Variants in ZDHHC14 observed in about 807,000 individuals in gnomAD.
ZDHHC14 encodes palmitoyltransferase ZDHHC14.
A neutral mutation model predicts 47.7 loss-of-function variants in ZDHHC14; 16 were observed. That is an observed-to-expected ratio of 0.34 (90% CI 0.23 to 0.51). ZDHHC14 has a LOEUF of 0.51. Among genes scored for constraint, ZDHHC14 ranks in the 20% least tolerant of loss-of-function variants. The pLI is 0.97. For synonymous variants in ZDHHC14, 293 were observed against 278.9 expected (o/e 1.05, Z -0.50); for missense variants, 515 against 662.5 (o/e 0.78, Z 2.44).
chr6:157,441,155 T>G (rs1415185364), intron 1 of ZDHHC14, among the ~76,000 whole-genome samples: 2 of 152,170 alleles, frequency 1.3e-5, no homozygotes, highest in Non-Finnish European at 1.5e-5. Flanking sequence ...GAACCACACC[T>G]TTTAGGAGGT....
intron 1 of ZDHHC14, among the ~76,000 whole-genome samples, chr6:157,520,501 C>T (rs377496847): frequency 6.6e-6 from 1 of 152,168 alleles, no homozygotes; most frequent in African/African-American, 2.4e-5. Flanking sequence ...AGCCACTGAA[C>T]AATATGTTTG....
At chr6:157,553,951 G>C (rs1452028344) in intron 2 of ZDHHC14, among the ~76,000 whole-genome samples, 1 of 152,108 alleles carries the variant, frequency 6.6e-6, no homozygotes, top group Non-Finnish European at 1.5e-5. Context: ...CACCATGTTT[G>C]GTAAGGAAGA....
In ZDHHC14 at chr6:157,419,696, T is replaced by C. The variant is rs539256006; in HGVS notation, c.245+37430T>C. Among the ~76,000 whole-genome samples the C allele has an allele frequency of 1.2e-4, 19 of 152,340 alleles. No individual in the cohort carries two copies. The South Asian group carries it at 2.9e-3, about 23-fold the overall frequency. ...ATTGTATGGATATACCACCATTTGT[T>C]TTTCTATACCTAACGAAGGACATCT... is the stretch of plus-strand genomic sequence containing the variant. On this transcript the variant is annotated intron_variant, in intron 1 of 8. Coordinates refer to ENST00000359775, the MANE Select transcript of ZDHHC14 (RefSeq NM_024630.3).
intron 8 of ZDHHC14, among the ~76,000 whole-genome samples, chr6:157,654,540 C>T (rs984727284): frequency 5.9e-5 from 9 of 152,024 alleles, no homozygotes; most frequent in Non-Finnish European, 1.3e-4. Context: ...GGGCAGCAGC[C>T]CAGAACACCT....
chr6:157,397,735 C>T (rs1309735128), intron 1 of ZDHHC14, among the ~76,000 whole-genome samples: 2 of 152,158 alleles, frequency 1.3e-5, no homozygotes, highest in Non-Finnish European at 2.9e-5. Context: ...CCTTCCACAT[C>T]CGGATTCTTA....
chr6:157,398,520 A>G (rs1777567807), intron 1 of ZDHHC14, among the ~76,000 whole-genome samples: 1 of 152,142 alleles, frequency 6.6e-6, no homozygotes, highest in African/African-American at 2.4e-5. Flanking sequence ...ATCTAACTCA[A>G]TTTCCTTCTC....
At position 157,673,430 on chromosome 6, in the gene ZDHHC14, G is replaced by A; in HGVS notation, c.*308G>A. ...AGTGTGTCTGCCCGCCCTTGTGACA[G>A]ACACACGGAAGGCTTCTGACGCTTG... On this transcript the variant is annotated 3_prime_UTR_variant, in exon 9 of 9. Coordinates refer to ENST00000359775, the MANE Select transcript of ZDHHC14 (RefSeq NM_024630.3). This position sits in a 1 kb window ranked among gnomAD's most constrained non-coding sequence, Gnocchi z 5.4. 2.3e-6 allele frequency: 1 copy of A among 432,508 alleles called. No individual in the cohort carries two copies. The highest frequency in any genetic ancestry group is 4.1e-6 in the Non-Finnish European group (1 of 246,908). 26.8% of individuals were successfully genotyped at this position (432,508 alleles called of 1,614,324 possible).
intron 1 of ZDHHC14, among the ~76,000 whole-genome samples, chr6:157,507,733 A>T (rs553593983): frequency 6.6e-6 from 1 of 152,142 alleles, no homozygotes; most frequent in Non-Finnish European, 1.5e-5. Flanking sequence ...CTGTCGCTCC[A>T]GAGTCTCCCG....
intron 1 of ZDHHC14, among the ~76,000 whole-genome samples, chr6:157,494,311 C>T (rs1459348438): frequency 6.6e-6 from 1 of 152,174 alleles, no homozygotes; most frequent in Admixed American, 6.5e-5. Context: ...TCCTTGGATG[C>T]CTGTCCCTCC....
At chr6:157,528,507 A>G (rs1411421190) in intron 1 of ZDHHC14, among the ~76,000 whole-genome samples, 1 of 151,958 alleles carries the variant, frequency 6.6e-6, no homozygotes, top group Non-Finnish European at 1.5e-5. Flanking sequence ...TGAGGCGGGC[A>G]GATCACGAGG....
intron 1 of ZDHHC14, among the ~76,000 whole-genome samples, chr6:157,386,458 A>G (rs1440479827): frequency 6.6e-6 from 1 of 152,204 alleles, no homozygotes; most frequent in Non-Finnish European, 1.5e-5. Context: ...GGAGTCCTTC[A>G]GGGATGTCTG....
chr6:157,534,571 TTC>T (rs1781475313), intron 1 of ZDHHC14, among the ~76,000 whole-genome samples: 1 of 149,798 alleles, frequency 6.7e-6, no homozygotes, highest in Non-Finnish European at 1.5e-5. Context: ...TTCATTTCAT[TTC>T]ATTTCATTTC....
intron 1 of ZDHHC14, among the ~76,000 whole-genome samples, chr6:157,508,683 C>A (rs144441882): frequency 1.3e-5 from 2 of 152,244 alleles, no homozygotes; most frequent in African/African-American, 4.8e-5. Context: ...CAACCAATGT[C>A]TTGTATTGAT....
rs190488923 is a variant in ZDHHC14, at chr6:157,586,469, G to A, written c.407-6519G>A. Among the ~76,000 whole-genome samples the A allele has an allele frequency of 6.6e-6, 1 of 152,302 alleles. No homozygotes were observed. Among genetic ancestry groups the A allele is most frequent in the East Asian group, 1.9e-4 (1 of 5,186 alleles). On this transcript the variant is annotated intron_variant, in intron 2 of 8. Transcript: ENST00000359775. This position sits in a 1 kb window ranked among gnomAD's most constrained non-coding sequence, Gnocchi z 4.6. Reference sequence around the variant, plus strand: ...GGAGGCCACCGTGTTTTGAGCATAGGCTCCATGGAAGATCGTGCAAGGAGA... The same window carrying A: ...GGAGGCCACCGTGTTTTGAGCATAGACTCCATGGAAGATCGTGCAAGGAGA...
chr6:157,642,707 T>A (rs1777312891), intron 5 of ZDHHC14, among the ~76,000 whole-genome samples: 1 of 152,236 alleles, frequency 6.6e-6, no homozygotes, highest in Non-Finnish European at 1.5e-5. Flanking sequence ...TTTCCTCTCC[T>A]TTCTCTTTCT....
intron 7 of ZDHHC14, 97 bp from the exon 8 acceptor site, chr6:157,653,428 G>C (rs1442925898): frequency 3.8e-6 from 5 of 1,307,442 alleles, no homozygotes; most frequent in Non-Finnish European, 5.4e-6. Flanking sequence ...GGCCTGTCAC[G>C]GGAAGAGGGA....
rs113964201 is a variant in ZDHHC14 at position 157,466,544 on chromosome 6, T to G, written c.246-76041T>G. The stretch of plus-strand genomic sequence containing the variant: ...GACAATTTCAACTAAAATTAAATTC[T>G]TTTGTTTTTTTGGCCAGGCATGGTG... On this transcript the variant is annotated intron_variant, in intron 1 of 8. Coordinates refer to ENST00000359775, the MANE Select transcript of ZDHHC14 (RefSeq NM_024630.3). 1.9e-3 allele frequency among the ~76,000 whole-genome samples: 282 copies of G among 152,346 alleles called. 2 individuals are homozygous for G. Among genetic ancestry groups the G allele is most frequent in the African/African-American group, 6.2e-3 (257 of 41,586 alleles).
intron 3 of ZDHHC14, among the ~76,000 whole-genome samples, chr6:157,606,221 T>C (rs1266621394): frequency 1.3e-5 from 2 of 152,056 alleles, no homozygotes; most frequent in Non-Finnish European, 2.9e-5. Flanking sequence ...TCCAAGCACT[T>C]TGGGAGGCCG....
chr6:157,671,420 C>G (rs972285223), intron 8 of ZDHHC14, among the ~76,000 whole-genome samples: 1 of 152,126 alleles, frequency 6.6e-6, no homozygotes, highest in African/African-American at 2.4e-5. Flanking sequence ...AGCACAGAGT[C>G]CCGATTTGCT....
Sources: gnomAD v4.1 joint callset for allele counts (sites outside exome capture counted in the v4.1 genomes callset) on GRCh38, gnomAD v4.1.1 for gene constraint, Gnocchi (gnomAD v3.1) non-coding constraint, MANE v1.5 for transcripts, NCBI Gene and HGNC (gene_info 2026-07-23, HGNC 2026-07-21) for gene names.